CAST: variants seen among roughly 807,000 people sequenced by gnomAD.
CAST encodes the protein MIR583 host.
Under a neutral mutation model 119.6 loss-of-function variants are expected in CAST, and 76 were observed. That is an observed-to-expected ratio of 0.64 (90% CI 0.53 to 0.77). The LOEUF is 0.77. Ranked by LOEUF, CAST falls within the 30% of genes least tolerant of loss-of-function variation. CAST has a pLI of 0.00. For missense variants in CAST, 953 were observed against 946.5 expected (o/e 1.01, Z -0.09); for synonymous variants, 319 against 331.6 (o/e 0.96, Z 0.41).
chr5:96,680,822 G>A (rs1371689085), intron 2 of CAST, among the ~76,000 whole-genome samples: 1 of 152,204 alleles, frequency 6.6e-6, no homozygotes, highest in African/African-American at 2.4e-5. Flanking sequence ...AGTTCTAGAA[G>A]AGTACTGCAG....
At chr5:96,107,583 C>T in the CAST span, among the ~76,000 whole-genome samples, 78 of 152,132 alleles carry the variant, frequency 5.1e-4, no homozygotes, top group Admixed American at 1.2e-3. Context: ...GAGTTTCTGC[C>T]GAGAGATCCG....
At chr5:96,710,099 C>T (rs1755802888) in intron 3 of CAST, among the ~76,000 whole-genome samples, 1 of 152,134 alleles carries the variant, frequency 6.6e-6, no homozygotes, top group South Asian at 2.1e-4. Flanking sequence ...GCCTTTGTCC[C>T]AGTCTTTTTA....
At chr5:96,480,210 A>G in the CAST span, among the ~76,000 whole-genome samples, 18 of 152,172 alleles carry the variant, frequency 1.2e-4, no homozygotes, top group African/African-American at 4.3e-4. Flanking sequence ...AACAATTAGC[A>G]TGCTATTGGG....
chr5:96,113,747 G>C, the CAST span, among the ~76,000 whole-genome samples: 1 of 152,192 alleles, frequency 6.6e-6, no homozygotes, highest in African/African-American at 2.4e-5. Context: ...GTCTGCACAG[G>C]AGACCAGAGA....
rs557447676 is a variant in CAST, at chr5:96,748,775, C to T, written c.1428+162C>T. 174 of 534,666 alleles carry T rather than the reference C, an allele frequency of 3.3e-4. 6 individuals are homozygous for T. In the South Asian group the frequency reaches 4.5e-3, roughly 14 times the overall value. The allele number at this position is 534,666 out of a possible 1,614,324, so 33.1% of individuals were successfully genotyped here. On this transcript the variant is annotated intron_variant, in intron 19 of 31. Transcript: ENST00000675179. ...TTCCTTTTTGGATGTGCTTTCTGCC[C>T]CAACCTAACCCTGATATTCTTGCAA... is the stretch of plus-strand genomic sequence containing the variant.
the CAST span, among the ~76,000 whole-genome samples, chr5:96,443,556 T>G: frequency 6.6e-6 from 1 of 152,248 alleles, no homozygotes; most frequent in Non-Finnish European, 1.5e-5. Context: ...AGAAAGTATA[T>G]GTTTTGTAAT....
the CAST span, among the ~76,000 whole-genome samples, chr5:96,440,737 G>C: frequency 6.6e-6 from 1 of 152,174 alleles, no homozygotes; most frequent in East Asian, 1.9e-4. Context: ...GAAAGAAATA[G>C]GTATGGGAAA....
At chr5:96,346,042 G>A in the CAST span, among the ~76,000 whole-genome samples, 2 of 152,164 alleles carry the variant, frequency 1.3e-5, no homozygotes, top group Non-Finnish European at 2.9e-5. Context: ...CACCATAAAG[G>A]CTGTCACAAT....
the CAST span, among the ~76,000 whole-genome samples, chr5:96,189,657 T>A: frequency 3.9e-5 from 6 of 152,208 alleles, no homozygotes; most frequent in African/African-American, 1.4e-4. Flanking sequence ...ATGATTCTTA[T>A]CTTCTCTGTC....
At chr5:96,571,175 TC>T (rs1746559880) in intron 1 of CAST, among the ~76,000 whole-genome samples, 1 of 152,144 alleles carries the variant, frequency 6.6e-6, no homozygotes, top group African/African-American at 2.4e-5. Context: ...TCTAATGTAT[TC>T]AAATCTGGAC....
At chr5:96,274,142 C>A in the CAST span, among the ~76,000 whole-genome samples, 1 of 151,552 alleles carries the variant, frequency 6.6e-6, no homozygotes, top group Admixed American at 6.6e-5. Flanking sequence ...TACTCTGACG[C>A]CTAGGTTGGA....
At chr5:96,585,154 A>G (rs1036515874) in intron 1 of CAST, 1 of 152,148 alleles carries the variant, frequency 6.6e-6, no homozygotes, top group East Asian at 1.9e-4. Flanking sequence ...TTTTACTGGG[A>G]AACTCCTAGA....
intron 1 of CAST, among the ~76,000 whole-genome samples, chr5:96,630,156 G>T (rs1220273838): frequency 3.3e-5 from 5 of 152,162 alleles, no homozygotes; most frequent in African/African-American, 1.2e-4. Context: ...TGTCTTCCGA[G>T]CTTACAGTCT....
At chr5:96,392,969 G>T in the CAST span, 1 of 1,611,302 alleles carries the variant, frequency 6.2e-7, no homozygotes. Flanking sequence ...GAAGAAGCAT[G>T]AATATTTCCA....
the CAST span, among the ~76,000 whole-genome samples, chr5:96,069,438 C>T: frequency 1.3e-5 from 2 of 150,650 alleles, no homozygotes; most frequent in Admixed American, 6.6e-5. Flanking sequence ...CATACATGCA[C>T]ATGCCCCAAT....
chr5:96,768,434 G>GA, intron 29 of CAST: 1 of 453,502 alleles, frequency 2.2e-6, no homozygotes. Context: ...TAGAGAACCT[G>GA]AAAATGAAGA....
the CAST span, among the ~76,000 whole-genome samples, chr5:96,294,012 A>G: frequency 6.6e-6 from 1 of 152,098 alleles, no homozygotes; most frequent in Non-Finnish European, 1.5e-5. Context: ...CACCAGCCTC[A>G]GTCTCCCAAA....
chr5:96,221,260 T>C, the CAST span, among the ~76,000 whole-genome samples: 570 of 152,206 alleles, frequency 3.7e-3, 3 homozygotes, highest in African/African-American at 0.013. Context: ...CTGGAAGTCC[T>C]AGCCAGAGCA....
chr5:96,673,204 C>G, intron 1 of CAST, among the ~76,000 whole-genome samples: 1 of 152,158 alleles, frequency 6.6e-6, no homozygotes, highest in East Asian at 1.9e-4. Flanking sequence ...GATGTGATAT[C>G]ATGGTTCTAA....
Sources: gnomAD v4.1 joint callset for allele counts (sites outside exome capture counted in the v4.1 genomes callset) on GRCh38, gnomAD v4.1.1 for gene constraint, MANE v1.5 for transcripts, NCBI Gene and HGNC (gene_info 2026-07-23, HGNC 2026-07-21) for gene names.